The following LRBA variants were observed in gnomAD, a reference collection of about 807,000 sequenced individuals.
LRBA encodes lipopolysaccharide-responsive and beige-like anchor protein.
Under a neutral mutation model 330.0 loss-of-function variants are expected in LRBA, and 176 were observed. The observed-to-expected ratio is 0.53, with a 90% confidence interval of 0.47 to 0.60. LRBA has a LOEUF of 0.60. LRBA is among the 20% of genes least tolerant of loss of function. The pLI is 0.00. For missense variants in LRBA, 3,259 were observed against 3,444.8 expected (o/e 0.95, Z 1.35); for synonymous variants, 1,230 against 1,193.0 (o/e 1.03, Z -0.64).
rs562864889 is a variant in LRBA, at chr4:150,664,965, C to T, written c.5921+18586G>A. On this transcript the variant is annotated intron_variant, in intron 37 of 56. Transcript: ENST00000651943. Reference sequence around the variant, plus strand: ...AGGACCCCTAAGATACCATCAGATTCAATTATTCACAAGGAATCACAGGAT... The same window carrying T: ...AGGACCCCTAAGATACCATCAGATTTAATTATTCACAAGGAATCACAGGAT... Among the ~76,000 whole-genome samples the T allele has an allele frequency of 6.4e-4, 97 of 152,270 alleles. 2 individuals are homozygous for T. Among genetic ancestry groups the T allele is most frequent in the Middle Eastern group, 6.8e-3 (2 of 294 alleles).
chr4:150,542,234 T>A (rs574547693), intron 40 of LRBA, among the ~76,000 whole-genome samples: 1 of 152,260 alleles, frequency 6.6e-6, no homozygotes, highest in East Asian at 1.9e-4. Flanking sequence ...GTATAACCAA[T>A]GGGTAAGAGC....
intron 22 of LRBA, among the ~76,000 whole-genome samples, chr4:150,860,570 G>A (rs1288029273): frequency 6.6e-6 from 1 of 152,174 alleles, no homozygotes; most frequent in African/African-American, 2.4e-5. Context: ...GTTCACACCT[G>A]TAATCCCAGC....
At chr4:150,516,704 AT>A (rs1185154622) in intron 40 of LRBA, among the ~76,000 whole-genome samples, 1 of 117,614 alleles carries the variant, frequency 8.5e-6, no homozygotes, top group Non-Finnish European at 2.0e-5. Flanking sequence ...CCCAGAAACA[AT>A]AAAAAAATTA....
intron 44 of LRBA, among the ~76,000 whole-genome samples, chr4:150,443,311 C>T (rs1423377312): frequency 2.6e-5 from 4 of 152,136 alleles, no homozygotes; most frequent in African/African-American, 9.7e-5. Context: ...GGATCTACAA[C>T]TAGAAATACC....
intron 36 of LRBA, among the ~76,000 whole-genome samples, chr4:150,727,274 A>G (rs1729829813): frequency 6.6e-6 from 1 of 151,964 alleles, no homozygotes; most frequent in South Asian, 2.1e-4. Flanking sequence ...GGGTTTCGCC[A>G]TGTTGGCCAG....
chr4:150,672,972 G>A (rs574434077), intron 37 of LRBA, among the ~76,000 whole-genome samples: 4 of 152,292 alleles, frequency 2.6e-5, no homozygotes, highest in African/African-American at 7.2e-5. Context: ...TTGGAATGAC[G>A]AACAAATGAC....
chr4:150,327,688 T>G (rs1455422201), intron 48 of LRBA, among the ~76,000 whole-genome samples: 1 of 152,200 alleles, frequency 6.6e-6, no homozygotes, highest in Non-Finnish European at 1.5e-5. Flanking sequence ...CTAGTTCACA[T>G]AATTGTTTGG....
intron 38 of LRBA, among the ~76,000 whole-genome samples, chr4:150,598,179 T>G (rs1773712650): frequency 6.6e-6 from 1 of 152,276 alleles, no homozygotes; most frequent in East Asian, 1.9e-4. Flanking sequence ...AAATTAAAAG[T>G]ACTTCTGACT....
chr4:150,276,236 A>C (rs963121016), intron 56 of LRBA, among the ~76,000 whole-genome samples: 1 of 152,270 alleles, frequency 6.6e-6, no homozygotes, highest in Non-Finnish European at 1.5e-5. Context: ...CCATATGCAG[A>C]AAACTGAAAC....
At chr4:150,989,894 T>G (rs1410166847) in intron 2 of LRBA, among the ~76,000 whole-genome samples, 1 of 151,632 alleles carries the variant, frequency 6.6e-6, no homozygotes, top group Non-Finnish European at 1.5e-5. Context: ...AAGGCTAAGG[T>G]GGGATAATGG....
chr4:150,597,434 T>C (rs1224231893), intron 38 of LRBA, among the ~76,000 whole-genome samples: 1 of 151,916 alleles, frequency 6.6e-6, no homozygotes, highest in African/African-American at 2.4e-5. Flanking sequence ...AATTGAATTA[T>C]TGATATCTAA....
At chr4:150,471,581 T>C (rs1756134530) in intron 43 of LRBA, 43 bp downstream of exon 43, 2 of 1,112,782 alleles carry the variant, frequency 1.8e-6, no homozygotes, top group African/African-American at 1.6e-5. Context: ...TTGAAATTAA[T>C]AATTTATTGT....
intron 47 of LRBA, among the ~76,000 whole-genome samples, chr4:150,354,606 A>G (rs1737584693): frequency 1.3e-5 from 2 of 152,140 alleles, no homozygotes; most frequent in African/African-American, 2.4e-5. Flanking sequence ...CTAATGTCCA[A>G]TTGTTAAGGA....
In LRBA at chr4:150,565,274, A is replaced by G. The variant is rs116277717; in HGVS notation, c.6330+22774T>C. ...GAACCAACACCACATGTTCTCACTA[A>G]TAAGTGGGAATTGAACTATGAGAAC... is the stretch of plus-strand genomic sequence containing the variant. On this transcript the variant is annotated intron_variant, in intron 40 of 56. Transcript: ENST00000651943. Among the ~76,000 whole-genome samples the G allele has an allele frequency of 7.6e-3, 1,164 of 152,292 alleles. 5 individuals are homozygous for G. Among genetic ancestry groups the G allele is most frequent in the Non-Finnish European group, 0.012 (837 of 68,024 alleles).
intron 37 of LRBA, among the ~76,000 whole-genome samples, chr4:150,646,795 A>G (rs1253705461): frequency 1.3e-5 from 2 of 152,144 alleles, no homozygotes; most frequent in Non-Finnish European, 2.9e-5. Context: ...AAAAAATCCA[A>G]AATTTTTGAG....
chr4:150,725,493 C>T (rs1040281259), intron 36 of LRBA, among the ~76,000 whole-genome samples: 1 of 152,128 alleles, frequency 6.6e-6, no homozygotes, highest in Non-Finnish European at 1.5e-5. Flanking sequence ...GTGAAAATAT[C>T]CTTTAAGCAT....
intron 40 of LRBA, among the ~76,000 whole-genome samples, chr4:150,521,843 A>G (rs1762951536): frequency 1.3e-5 from 2 of 152,216 alleles, no homozygotes; most frequent in South Asian, 2.1e-4. Context: ...ATCAATCTCA[A>G]TTAGGTTAAA....
intron 16 of LRBA, among the ~76,000 whole-genome samples, chr4:150,893,354 C>A (rs567446252): frequency 3.1e-4 from 47 of 152,104 alleles, no homozygotes; most frequent in African/African-American, 1.0e-3. Flanking sequence ...AAACCAATTT[C>A]TTTTTTTGTG....
intron 29 of LRBA, 114 bp from the exon 30 acceptor site, chr4:150,828,735 T>C (rs1746661193): frequency 2.0e-6 from 2 of 1,000,164 alleles, no homozygotes; most frequent in Admixed American, 2.4e-5. Context: ...AAATACATCA[T>C]GTTCTAAAAA....
Sources: gnomAD v4.1 joint callset for allele counts (sites outside exome capture counted in the v4.1 genomes callset) on GRCh38, gnomAD v4.1.1 for gene constraint, MANE v1.5 for transcripts, NCBI Gene and HGNC (gene_info 2026-07-23, HGNC 2026-07-21) for gene names.